RMDN2: variants seen among roughly 807,000 people sequenced by gnomAD.
The protein encoded by RMDN2 is regulator of microtubule dynamics protein 2.
A neutral mutation model predicts 52.8 loss-of-function variants in RMDN2; 61 were observed. That is an observed-to-expected ratio of 1.16 (90% CI 0.94 to 1.43). RMDN2 has a LOEUF of 1.43. RMDN2 is among the 40% of genes most tolerant of loss of function. The pLI, the probability that RMDN2 is intolerant of heterozygous loss-of-function variation, is 0.00. For synonymous variants in RMDN2, 180 were observed against 153.1 expected (o/e 1.18, Z -1.30); for missense variants, 592 against 475.3 (o/e 1.25, Z -2.28).
chr2:38,041,528 G>A (rs1680954240), intron 10 of RMDN2, among the ~76,000 whole-genome samples: 1 of 139,698 alleles, frequency 7.2e-6, no homozygotes, highest in Non-Finnish European at 1.5e-5. Flanking sequence ...TCCCAATCTT[G>A]AGGAGAAAGT....
At position 37,990,224 on chromosome 2, in the gene RMDN2, T is replaced by C. The variant is rs1674592333; in HGVS notation, c.867+608T>C. 1.3e-5 allele frequency among the ~76,000 whole-genome samples: 2 copies of C among 150,694 alleles called. 1 individual carries two copies. On this transcript the variant is annotated intron_variant, in intron 6 of 10. Coordinates refer to ENST00000354545, the MANE Select transcript of RMDN2 (RefSeq NM_001170791.3). Reference sequence around the variant, plus strand: ...TAGATGAGTATCACTTTTTCAAAGATTAAGAATTAGCCGGCCGGGTGTGGT... The same window carrying C: ...TAGATGAGTATCACTTTTTCAAAGACTAAGAATTAGCCGGCCGGGTGTGGT...
At chr2:37,932,843 G>A (rs1441948152) in intron 2 of RMDN2, among the ~76,000 whole-genome samples, 71 of 129,326 alleles carry the variant, frequency 5.5e-4, no homozygotes, top group African/African-American at 7.3e-4. Context: ...CTCCCGGACG[G>A]GGCGGCTGGC....
chr2:37,941,995 G>A (rs1291298117), intron 2 of RMDN2, among the ~76,000 whole-genome samples: 1 of 151,708 alleles, frequency 6.6e-6, no homozygotes, highest in Non-Finnish European at 1.5e-5. Context: ...CCAAACAGCT[G>A]CCCACTTTTG....
chr2:38,047,580 C>A (rs902492745), intron 10 of RMDN2, among the ~76,000 whole-genome samples: 1 of 152,164 alleles, frequency 6.6e-6, no homozygotes, highest in African/African-American at 2.4e-5. Flanking sequence ...TCTTTCTTAC[C>A]ACTTAGGCCT....
At chr2:38,033,813 C>T (rs1680388218) in intron 10 of RMDN2, among the ~76,000 whole-genome samples, 1 of 152,212 alleles carries the variant, frequency 6.6e-6, no homozygotes, top group Admixed American at 6.5e-5. Context: ...TGAGATTCCT[C>T]CCCCAACCTC....
downstream of RMDN2, among the ~76,000 whole-genome samples, chr2:38,019,113 G>A (rs1414656583): frequency 2.6e-5 from 4 of 152,218 alleles, no homozygotes; most frequent in Non-Finnish European, 5.9e-5. Context: ...TATGCTGAGA[G>A]GCTATGGATA....
At chr2:37,968,672 A>G (rs1481680236) in intron 2 of RMDN2, among the ~76,000 whole-genome samples, 1 of 152,214 alleles carries the variant, frequency 6.6e-6, no homozygotes, top group Admixed American at 6.5e-5. Context: ...AGGGATAGGA[A>G]CAATGGCATA....
intron 7 of RMDN2, among the ~76,000 whole-genome samples, chr2:37,996,541 GC>G (rs1675562709): frequency 6.7e-6 from 1 of 150,312 alleles, no homozygotes; most frequent in Non-Finnish European, 1.5e-5. Flanking sequence ...CCATGATCGT[GC>G]CGCTGTACGG....
In RMDN2 at chr2:38,004,054, A is replaced by C; in HGVS notation, c.1098+10A>C. On this transcript the variant is annotated intron_variant, in intron 9 of 10. Coordinates refer to ENST00000354545, the MANE Select transcript of RMDN2 (RefSeq NM_001170791.3). ...CATGTACTTAGCAAAGGTAATGAAGACCACTGTTCTGCTTTAAGATCACTT... is the reference window on the plus strand; with the variant it reads ...CATGTACTTAGCAAAGGTAATGAAGCCCACTGTTCTGCTTTAAGATCACTT... The C allele has an allele frequency of 6.2e-7, 1 of 1,611,340 alleles. No homozygotes were observed. The highest frequency in any genetic ancestry group is 8.5e-7 in the Non-Finnish European group (1 of 1,177,620).
At chr2:37,975,644 C>T (rs570931441) in intron 4 of RMDN2, among the ~76,000 whole-genome samples, 7 of 151,918 alleles carry the variant, frequency 4.6e-5, no homozygotes, top group African/African-American at 1.4e-4. Flanking sequence ...CACCGTGGCA[C>T]GTGTATACCT....
downstream of RMDN2, among the ~76,000 whole-genome samples, chr2:38,018,021 T>C (rs1308201754): frequency 6.6e-6 from 1 of 152,162 alleles, no homozygotes; most frequent in Admixed American, 6.5e-5. Flanking sequence ...GATAATGTCA[T>C]CAGTTAAGGC....
intron 6 of RMDN2, 120 bp from the exon 7 acceptor site, chr2:37,991,100 G>A: frequency 6.7e-6 from 3 of 445,422 alleles, no homozygotes; most frequent in Non-Finnish European, 1.2e-5. Flanking sequence ...ATTAATGATA[G>A]GGATGGGGAG....
intron 2 of RMDN2, among the ~76,000 whole-genome samples, chr2:37,945,244 T>C (rs1303588182): frequency 6.6e-6 from 1 of 152,194 alleles, no homozygotes; most frequent in African/African-American, 2.4e-5. Context: ...AATAGATTCT[T>C]AAGAAAGACA....
At chr2:38,030,908 A>T (rs973156588) in intron 10 of RMDN2, 5 of 152,002 alleles carry the variant, frequency 3.3e-5, no homozygotes, top group Admixed American at 2.0e-4. Context: ...GGAATTCTTG[A>T]TTGTTTCCTT....
At chr2:37,942,427 A>G (rs1667875075) in intron 2 of RMDN2, among the ~76,000 whole-genome samples, 1 of 152,328 alleles carries the variant, frequency 6.6e-6, no homozygotes, top group Middle Eastern at 3.4e-3. Context: ...CCTTAGGCAT[A>G]TGTGGAAGAA....
intron 2 of RMDN2, among the ~76,000 whole-genome samples, chr2:37,931,894 A>G (rs997396435): frequency 2.0e-5 from 3 of 152,164 alleles, no homozygotes; most frequent in Non-Finnish European, 4.4e-5. Context: ...ACTAGAGTAG[A>G]TGCAATACAT....
intron 10 of RMDN2, among the ~76,000 whole-genome samples, chr2:38,004,616 A>G (rs1466545542): frequency 2.6e-5 from 4 of 151,876 alleles, no homozygotes; most frequent in Admixed American, 6.6e-5. Flanking sequence ...CCCTAGACCA[A>G]TATCTCCCCA....
intron 6 of RMDN2, among the ~76,000 whole-genome samples, 195 bp downstream of exon 6, chr2:37,989,811 C>T (rs993543926): frequency 2.0e-5 from 3 of 152,014 alleles, no homozygotes; most frequent in African/African-American, 7.2e-5. Context: ...TTAAATAGTA[C>T]TGTGACAAAA....
intron 2 of RMDN2, among the ~76,000 whole-genome samples, chr2:37,970,681 G>C (rs1180794695): frequency 6.6e-6 from 1 of 152,148 alleles, no homozygotes; most frequent in Admixed American, 6.5e-5. Flanking sequence ...ATTAGAGCAA[G>C]AGATAGAGAG....
Sources: allele counts gnomAD v4.1 joint callset (sites outside exome capture counted in the v4.1 genomes callset), GRCh38; gene constraint gnomAD v4.1.1; transcripts MANE v1.5; gene names NCBI Gene and HGNC (gene_info 2026-07-23, HGNC 2026-07-21).